LTBP1: variants seen among roughly 807,000 people sequenced by gnomAD.
LTBP1 encodes latent-transforming growth factor beta-binding protein 1.
LTBP1 carries 129 observed loss-of-function variants against 207.6 expected under a neutral mutation model. The observed-to-expected ratio is 0.62, with a 90% CI of 0.54 to 0.72. The LOEUF is 0.72. LTBP1 is among the 30% of genes least tolerant of loss of function. LTBP1 has a pLI of 0.00. For missense variants in LTBP1, 2,281 were observed against 2,217.2 expected (o/e 1.03, Z -0.58); for synonymous variants, 963 against 833.7 (o/e 1.16, Z -2.67).
At chr2:33,064,908 A>C (rs187343844) in intron 3 of LTBP1, among the ~76,000 whole-genome samples, 52 of 152,242 alleles carry the variant, frequency 3.4e-4, no homozygotes, top group African/African-American at 1.1e-3. Context: ...CTTTTGCTAT[A>C]TTTTACTAGC....
At chr2:33,045,364 A>G (rs976126141) in intron 3 of LTBP1, among the ~76,000 whole-genome samples, 9 of 152,188 alleles carry the variant, frequency 5.9e-5, no homozygotes, top group African/African-American at 9.7e-5. Context: ...TATTTATTAA[A>G]TAGGGAATCC....
chr2:32,988,617 G>T (rs1683950841), intron 2 of LTBP1, among the ~76,000 whole-genome samples: 1 of 152,198 alleles, frequency 6.6e-6, no homozygotes, highest in Admixed American at 6.5e-5. Context: ...CACACCTCAT[G>T]GAAATTGTTG....
intron 32 of LTBP1, 50 bp from the exon 33 acceptor site, chr2:33,397,083 A>T: frequency 6.4e-7 from 1 of 1,562,618 alleles, no homozygotes; most frequent in African/African-American, 1.4e-5. Context: ...TTACAAAATG[A>T]TATAGGAAGT....
At chr2:33,311,688 T>C (rs914644315) in intron 23 of LTBP1, among the ~76,000 whole-genome samples, 10 of 152,306 alleles carry the variant, frequency 6.6e-5, no homozygotes, top group Non-Finnish European at 1.0e-4. Context: ...GGACCAAGAT[T>C]TCATATTGCA....
In LTBP1 at chr2:33,273,735, A is replaced by G. The variant is rs142744911; in HGVS notation, c.2697A>G (p.Ile899Met). Residue 899 changes from isoleucine (I) to methionine (M), a missense_variant, in exon 16 of 34, where the codon ATA becomes ATG. Ile to Met is a conservative substitution (Grantham distance 10, BLOSUM62 1). This residue lies in a region of LTBP1 where 1,671 missense variants were observed against 1,634.8 expected (regional missense o/e 1.02). Transcript: ENST00000404816. ...ACCTACCAGTGAGATATACCTGTATATGCTACGAGGGCTACAGGTTCAGTG... is the reference window on the plus strand; with the variant it reads ...ACCTACCAGTGAGATATACCTGTATGTGCTACGAGGGCTACAGGTTCAGTG... Reference protein sequence around the residue: ...CINLPVRYTCICYEGYRFSEQ... With the variant: ...CINLPVRYTCMCYEGYRFSEQ... 2.1e-4 allele frequency: 333 copies of G among 1,611,572 alleles called. 1 individual carries two copies. In the African/African-American group the frequency reaches 4.1e-3, roughly 20 times the overall value.
intron 31 of LTBP1, among the ~76,000 whole-genome samples, chr2:33,379,782 A>G (rs746197200): frequency 2.6e-5 from 4 of 152,218 alleles, no homozygotes; most frequent in African/African-American, 4.8e-5. Flanking sequence ...GTCATTGACT[A>G]TGTTTAGTGT....
At chr2:33,036,162 C>T (rs143255022) in intron 3 of LTBP1, among the ~76,000 whole-genome samples, 1 of 152,140 alleles carries the variant, frequency 6.6e-6, no homozygotes, top group Non-Finnish European at 1.5e-5. Flanking sequence ...ATCAGAATCG[C>T]CGGTGGAGGG....
chr2:33,397,244 A>G lies in LTBP1; in HGVS notation c.4946A>G (p.Asp1649Gly). ...GAAGGTTACACCTGCGATTGCTTTG[A>G]TGGGTATCACTTGGATACGGCCAAG... ...VQEGYTCDCF[D>G]GYHLDTAKMT... Residue 1649 changes from aspartate to glycine, a missense_variant, in exon 33 of 34, where the codon GAT becomes GGT. Physicochemically the swap from Asp to Gly is moderately conservative, Grantham distance 94. Around this residue, in one of 3 missense-constraint regions of LTBP1, gnomAD observed 1,671 missense variants for 1,634.8 expected, o/e 1.02. Coordinates refer to ENST00000404816, the MANE Select transcript of LTBP1 (RefSeq NM_206943.4). 1 of 1,614,116 alleles carries G rather than the reference A, an allele frequency of 6.2e-7. No homozygotes were observed. The highest frequency in any genetic ancestry group is 8.5e-7 in the Non-Finnish European group (1 of 1,179,992).
At chr2:33,010,300 C>T (rs540576850) in intron 2 of LTBP1, among the ~76,000 whole-genome samples, 2 of 152,160 alleles carry the variant, frequency 1.3e-5, no homozygotes, top group African/African-American at 4.8e-5. Flanking sequence ...GAGGAAGTGG[C>T]ATTACATCAT....
At chr2:33,194,176 G>A (rs950532804) in intron 7 of LTBP1, among the ~76,000 whole-genome samples, 1 of 152,020 alleles carries the variant, frequency 6.6e-6, no homozygotes, top group African/African-American at 2.4e-5. Context: ...TATTAGAGAT[G>A]GGGTTTCACC....
chr2:32,981,391 A>G (rs6714901), intron 2 of LTBP1, among the ~76,000 whole-genome samples: 1 of 151,938 alleles, frequency 6.6e-6, no homozygotes, highest in Admixed American at 6.6e-5. Context: ...TTGTATTTCT[A>G]TGTATTTGCC....
intron 24 of LTBP1, among the ~76,000 whole-genome samples, chr2:33,322,250 CAG>C (rs2094366356): frequency 6.6e-6 from 1 of 151,970 alleles, no homozygotes; most frequent in Non-Finnish European, 1.5e-5. Context: ...AGAAGACTGC[CAG>C]AAAGTGAAGT....
intron 7 of LTBP1, among the ~76,000 whole-genome samples, chr2:33,213,027 A>T (rs1041993472): frequency 1.3e-5 from 2 of 152,070 alleles, no homozygotes; most frequent in South Asian, 2.1e-4. Context: ...ACGTAGTCTC[A>T]CCGTTCCGCC....
At chr2:33,320,258 A>T (rs183168663) in intron 24 of LTBP1, among the ~76,000 whole-genome samples, 2 of 152,126 alleles carry the variant, frequency 1.3e-5, no homozygotes, top group Non-Finnish European at 2.9e-5. Flanking sequence ...AATTCCAGCT[A>T]CTCAGGAAGC....
At chr2:33,211,870 A>G (rs975354838) in intron 7 of LTBP1, among the ~76,000 whole-genome samples, 1 of 152,134 alleles carries the variant, frequency 6.6e-6, no homozygotes, top group African/African-American at 2.4e-5. Flanking sequence ...CTTTCCTCTC[A>G]CATTGATAGG....
chr2:33,260,067 A>G (rs2092969167), intron 13 of LTBP1, among the ~76,000 whole-genome samples: 3 of 152,214 alleles, frequency 2.0e-5, no homozygotes, highest in Admixed American at 2.0e-4. Context: ...TTGAGTAAGA[A>G]CAGAACTTAC....
intron 7 of LTBP1, among the ~76,000 whole-genome samples, chr2:33,193,879 G>A (rs746306303): frequency 6.6e-6 from 1 of 152,020 alleles, no homozygotes; most frequent in Admixed American, 6.6e-5. Flanking sequence ...CATCCCTATT[G>A]GCTGAAACAC....
intron 5 of LTBP1, among the ~76,000 whole-genome samples, chr2:33,138,347 C>T (rs1359193773): frequency 6.6e-6 from 1 of 152,128 alleles, no homozygotes; most frequent in Non-Finnish European, 1.5e-5. Flanking sequence ...CTCTGAGATT[C>T]TAGAAGAGCC....
At chr2:33,195,873 C>T (rs769508470) in intron 7 of LTBP1, among the ~76,000 whole-genome samples, 2 of 152,064 alleles carry the variant, frequency 1.3e-5, no homozygotes, top group Non-Finnish European at 2.9e-5. Context: ...CCACAGCCAC[C>T]CCAACCCTCA....
Sources: allele counts gnomAD v4.1 joint callset (sites outside exome capture counted in the v4.1 genomes callset), GRCh38; gene constraint gnomAD v4.1.1; regional missense constraint gnomAD v4.1.1; transcripts MANE v1.5; gene names NCBI Gene and HGNC (gene_info 2026-07-23, HGNC 2026-07-21).